APOLD1: variants seen among roughly 807,000 people sequenced by gnomAD.
APOLD1 encodes apolipoprotein L domain containing 1, also known as apolipoprotein L domain-containing protein 1.
Under a neutral mutation model 15.3 loss-of-function variants are expected in APOLD1, and 22 were observed. That is an observed-to-expected ratio of 1.44 (90% CI 1.03 to 2.05). APOLD1 has a LOEUF of 2.05. APOLD1 is among the 30% of genes most tolerant of loss of function. APOLD1 has a pLI of 0.00. For synonymous variants in APOLD1, 190 were observed against 167.4 expected (o/e 1.13, Z -1.04); for missense variants, 394 against 353.5 (o/e 1.11, Z -0.92).
upstream of APOLD1, among the ~76,000 whole-genome samples, chr12:12,785,407 C>A (rs923619629): frequency 6.6e-6 from 1 of 152,196 alleles, no homozygotes; most frequent in South Asian, 2.1e-4. Context: ...AATGACAACA[C>A]ACTTGTTTCA....
At chr12:12,728,920 G>A (rs1450488620) in intron 1 of APOLD1, among the ~76,000 whole-genome samples, 1 of 152,108 alleles carries the variant, frequency 6.6e-6, no homozygotes, top group Non-Finnish European at 1.5e-5. Flanking sequence ...ATTCTTGGAT[G>A]GGAACACCCA....
chr12:12,743,418 C>T (rs868524517), intron 1 of APOLD1, among the ~76,000 whole-genome samples: 15 of 151,766 alleles, frequency 9.9e-5, no homozygotes, highest in Admixed American at 5.9e-4. Flanking sequence ...ATGAGGAGAG[C>T]GGTTTGGATT....
chr12:12,786,758 C>T (rs1398593700), intron 1 of APOLD1, 151 bp from the exon 2 acceptor site: 1 of 1,280,452 alleles, frequency 7.8e-7, no homozygotes, highest in South Asian at 2.6e-5. Context: ...GAACTCGTCT[C>T]ATGATCCACT....
At chr12:12,785,554 G>A, upstream of APOLD1, 1 of 1,491,692 alleles carries the variant, frequency 6.7e-7, no homozygotes, top group Non-Finnish European at 9.3e-7. Context: ...GAAGGCAGCA[G>A]GGGTCATGAC....
At chr12:12,779,521 A>G (rs1947063534) in intron 1 of APOLD1, among the ~76,000 whole-genome samples, 1 of 152,228 alleles carries the variant, frequency 6.6e-6, no homozygotes, top group Non-Finnish European at 1.5e-5. Flanking sequence ...CTGGAAAGCA[A>G]TATAGCACTA....
At position 12,790,734 on chromosome 12, in the gene APOLD1, C is replaced by A. The variant is rs532471872; in HGVS notation, c.*3082C>A. The A allele has an allele frequency of 2.0e-5, 3 of 152,272 alleles. No individual in the cohort carries two copies. In the East Asian group the frequency reaches 5.8e-4, roughly 29 times the overall value. The allele number at this position is 152,272 out of a possible 1,614,324, so 9.4% of individuals were successfully genotyped here. A position where few individuals can be genotyped will look rare whatever the true frequency, so the allele number is the denominator to read the frequency against. Reference sequence around the variant, plus strand: ...AGCTATCTTAATGAGAATTTGTTGACAACAAAAGATCATCCATCGCCTTAT... The same window carrying A: ...AGCTATCTTAATGAGAATTTGTTGAAAACAAAAGATCATCCATCGCCTTAT... On this transcript the variant is annotated 3_prime_UTR_variant, in exon 2 of 2. Transcript: ENST00000356591.
At chr12:12,748,773 T>C (rs576415123) in intron 1 of APOLD1, among the ~76,000 whole-genome samples, 1 of 152,300 alleles carries the variant, frequency 6.6e-6, no homozygotes, top group South Asian at 2.1e-4. Context: ...TTCACTTCCA[T>C]TGCAGCACTG....
intron 1 of APOLD1, among the ~76,000 whole-genome samples, chr12:12,760,322 T>C (rs1946888290): frequency 7.0e-6 from 1 of 143,368 alleles, no homozygotes; most frequent in African/African-American, 2.6e-5. Context: ...TGAGACCCGG[T>C]CTCACAACAA....
intron 1 of APOLD1, among the ~76,000 whole-genome samples, chr12:12,749,057 A>T (rs749940353): frequency 6.6e-6 from 1 of 152,116 alleles, no homozygotes; most frequent in Non-Finnish European, 1.5e-5. Flanking sequence ...GTTTAAATTC[A>T]CAGGCCATGG....
chr12:12,746,023 A>G (rs1946762318), intron 1 of APOLD1, among the ~76,000 whole-genome samples: 1 of 152,114 alleles, frequency 6.6e-6, no homozygotes, highest in African/African-American at 2.4e-5. Flanking sequence ...CCTGAATGCC[A>G]TGTGGTGTCA....
At chr12:12,752,936 C>T (rs1159583062) in intron 1 of APOLD1, among the ~76,000 whole-genome samples, 1 of 152,096 alleles carries the variant, frequency 6.6e-6, no homozygotes, top group African/African-American at 2.4e-5. Context: ...TATCTATCTC[C>T]ACTCAAGAAA....
chr12:12,787,051 G>C lies in APOLD1; in HGVS notation c.146G>C (p.Arg49Pro), dbSNP rs1439037726. The change falls in exon 2 of 2, where the codon CGC becomes CCC. Residue 49 changes from arginine to proline, a missense_variant. By Grantham distance (103) the Arg-to-Pro change is moderately radical. Coordinates refer to ENST00000356591, the MANE Select transcript of APOLD1 (RefSeq NM_030817.3). The surrounding 1 kb of genome is among the most constrained non-coding windows in gnomAD (Gnocchi z 4.9). ...GTGGCCCGGCGCCTGGAGCGCCTGC[G>C]CAGGCGCTCCCTCGTAGCCAACGTG... ...REVARRLERL[R>P]RRSLVANVAG... 2.2e-6 allele frequency: 3 copies of C among 1,374,318 alleles called. No individual in the cohort carries two copies. The Admixed American group carries it at 1.2e-4, about 54-fold the overall frequency. The allele number at this position is 1,374,318 out of a possible 1,614,324, so 85.1% of individuals were successfully genotyped here.
At chr12:12,749,774 G>A (rs1256314751) in intron 1 of APOLD1, among the ~76,000 whole-genome samples, 2 of 152,148 alleles carry the variant, frequency 1.3e-5, no homozygotes, top group Non-Finnish European at 2.9e-5. Context: ...TGCTCAGGCC[G>A]CTCCCACACT....
intron 1 of APOLD1, among the ~76,000 whole-genome samples, chr12:12,736,780 C>G (rs1440736893): frequency 6.6e-6 from 1 of 152,122 alleles, no homozygotes; most frequent in East Asian, 1.9e-4. Context: ...ATGTGTAGTG[C>G]TTGGGCCGTT....
intron 1 of APOLD1, among the ~76,000 whole-genome samples, chr12:12,757,277 C>G (rs1360776630): frequency 3.3e-5 from 5 of 152,090 alleles, no homozygotes; most frequent in Non-Finnish European, 7.4e-5. Context: ...AGTCACAATG[C>G]TTTTGGTGAG....
intron 1 of APOLD1, among the ~76,000 whole-genome samples, chr12:12,769,800 G>A (rs1267805147): frequency 6.6e-6 from 1 of 152,170 alleles, no homozygotes; most frequent in Non-Finnish European, 1.5e-5. Context: ...AGACTGAGAA[G>A]CACCTGTGAA....
intron 1 of APOLD1, among the ~76,000 whole-genome samples, chr12:12,741,108 C>G (rs901232286): frequency 6.6e-6 from 1 of 152,210 alleles, no homozygotes; most frequent in African/African-American, 2.4e-5. Context: ...TATCTCCCTA[C>G]CTTTCCCTCC....
intron 1 of APOLD1, among the ~76,000 whole-genome samples, chr12:12,765,835 C>T (rs1029835067): frequency 2.0e-5 from 3 of 152,122 alleles, no homozygotes. Context: ...GCACCACTGT[C>T]GTCCAGTCTG....
intron 1 of APOLD1, among the ~76,000 whole-genome samples, chr12:12,738,764 C>T (rs1946709682): frequency 6.6e-6 from 1 of 152,168 alleles, no homozygotes. Flanking sequence ...ATCTGCCTGT[C>T]TGTCCCCTTT....
Sources: gnomAD v4.1 joint callset for allele counts (sites outside exome capture counted in the v4.1 genomes callset) on GRCh38, gnomAD v4.1.1 for gene constraint, Gnocchi (gnomAD v3.1) non-coding constraint, MANE v1.5 for transcripts, NCBI Gene and HGNC (gene_info 2026-07-23, HGNC 2026-07-21) for gene names.